ZPLD1: variants seen among roughly 807,000 people sequenced by gnomAD.
The protein encoded by ZPLD1 is zona pellucida-like domain-containing protein 1.
ZPLD1 carries 34 observed loss-of-function variants against 47.2 expected under a neutral mutation model. The ratio of observed to expected loss-of-function variants is 0.72; its 90% CI spans 0.55 to 0.96. ZPLD1 has a LOEUF of 0.96. Ranked by LOEUF, ZPLD1 falls within the 40% of genes least tolerant of loss-of-function variation. The pLI is 0.00. For missense variants in ZPLD1, 512 were observed against 505.8 expected, an observed-to-expected ratio of 1.01 and a Z score of -0.12; for synonymous variants, 176 against 186.2, an observed-to-expected ratio of 0.95 and a Z score of 0.45.
chr3:102,400,483 A>G (rs1706607509), intron 7 of ZPLD1, among the ~76,000 whole-genome samples: 1 of 151,982 alleles, frequency 6.6e-6, no homozygotes, highest in Admixed American at 6.6e-5. Context: ...TATGGGGATA[A>G]GCCGGGGGTC....
chr3:102,416,299 A>C (rs1195517135), intron 7 of ZPLD1, among the ~76,000 whole-genome samples: 2 of 151,862 alleles, frequency 1.3e-5, no homozygotes, highest in East Asian at 3.9e-4. Context: ...TAGCTAACCA[A>C]CTTGTAGGGT....
intron 7 of ZPLD1, among the ~76,000 whole-genome samples, chr3:102,412,327 T>C (rs1323945756): frequency 6.6e-6 from 1 of 151,728 alleles, no homozygotes; most frequent in East Asian, 1.9e-4. Context: ...AGGCATAGGA[T>C]CTGGAATACT....
rs147569136 is a variant in ZPLD1 at position 102,441,938 on chromosome 3, G to A, written c.106+3345G>A. On this transcript the variant is annotated intron_variant, in intron 3 of 11. Transcript: ENST00000466937. ...AGGTAATTTTGCAATTTGGAGCAAG[G>A]CTCACATCAAAATTAGGCTCCTACC... Among the ~76,000 whole-genome samples, 386 of 152,150 alleles carry A rather than the reference G, an allele frequency of 2.5e-3. 1 individual carries two copies. Among genetic ancestry groups the A allele is most frequent in the Non-Finnish European group, 4.7e-3 (318 of 67,986 alleles).
At chr3:102,426,887 A>G (rs774217382) in intron 8 of ZPLD1, among the ~76,000 whole-genome samples, 2 of 152,160 alleles carry the variant, frequency 1.3e-5, no homozygotes, top group Non-Finnish European at 2.9e-5. Flanking sequence ...ATTTCAGGAG[A>G]TGTTTTTAGT....
chr3:102,477,107 C>A, intron 11 of ZPLD1, 66 bp downstream of exon 11: 1 of 1,554,974 alleles, frequency 6.4e-7, no homozygotes, highest in Non-Finnish European at 8.9e-7. Flanking sequence ...AAGCTGTAAT[C>A]ATCTAAGTGT....
In ZPLD1 at chr3:102,477,954, A is replaced by G. The variant is rs1707783432; in HGVS notation, c.*336A>G. The G allele has an allele frequency of 5.8e-6, 1 of 172,364 alleles. No homozygotes were observed. Among genetic ancestry groups the G allele is most frequent in the Admixed American group, 6.3e-5 (1 of 15,850 alleles). 10.7% of individuals were successfully genotyped at this position (172,364 alleles called of 1,614,324 possible). Reference sequence around the variant, plus strand: ...GTTAAAAGATAAAAGGTGGGAGTAGACAAAAAATGAAATGTGTTGCATTTC... The same window carrying G: ...GTTAAAAGATAAAAGGTGGGAGTAGGCAAAAAATGAAATGTGTTGCATTTC... On this transcript the variant is annotated 3_prime_UTR_variant, in exon 12 of 12. Transcript: ENST00000466937.
At chr3:102,438,648 G>T in intron 3 of ZPLD1, 55 bp downstream of exon 3, 1 of 1,347,140 alleles carries the variant, frequency 7.4e-7, no homozygotes, top group Non-Finnish European at 1.1e-6. Context: ...GATTATATTT[G>T]AAGAGCAAGT....
At chr3:102,456,647 C>T (rs1182354490) in intron 5 of ZPLD1, among the ~76,000 whole-genome samples, 1 of 152,116 alleles carries the variant, frequency 6.6e-6, no homozygotes, top group East Asian at 1.9e-4. Flanking sequence ...CCAAATCAAG[C>T]TGACTCAAAC....
chr3:102,414,019 G>C (rs559235432), intron 7 of ZPLD1, among the ~76,000 whole-genome samples: 1 of 151,838 alleles, frequency 6.6e-6, no homozygotes, highest in East Asian at 1.9e-4. Context: ...GAGGAGAGGA[G>C]GCGAGCTGTG....
intron 1 of ZPLD1, among the ~76,000 whole-genome samples, chr3:102,435,588 AC>A (rs1707077413): frequency 6.6e-6 from 1 of 150,940 alleles, no homozygotes; most frequent in Admixed American, 6.6e-5. Flanking sequence ...TCCAAACTAT[AC>A]TATACTTTAT....
At chr3:102,434,782 G>C (rs1409568386), upstream of ZPLD1, among the ~76,000 whole-genome samples, 1 of 152,174 alleles carries the variant, frequency 6.6e-6, no homozygotes, top group African/African-American at 2.4e-5. Flanking sequence ...TGGTGGAGAA[G>C]GTGAAAAATG....
chr3:102,447,575 CATT>C (rs1707277511), intron 3 of ZPLD1, among the ~76,000 whole-genome samples: 1 of 152,082 alleles, frequency 6.6e-6, no homozygotes, highest in Non-Finnish European at 1.5e-5. Flanking sequence ...AATCTGTACT[CATT>C]ATTCTATAAA....
chr3:102,432,850 C>T (rs941004258), upstream of ZPLD1, among the ~76,000 whole-genome samples: 1 of 152,086 alleles, frequency 6.6e-6, no homozygotes, highest in African/African-American at 2.4e-5. Context: ...CTGGGTTGTT[C>T]ATAATCAATG....
intron 7 of ZPLD1, among the ~76,000 whole-genome samples, chr3:102,412,831 G>A (rs1706760858): frequency 2.0e-5 from 3 of 151,680 alleles, no homozygotes; most frequent in South Asian, 4.2e-4. Flanking sequence ...ACACATATGT[G>A]TATATATATG....
chr3:102,468,281 T>C (rs1265426262), intron 8 of ZPLD1, among the ~76,000 whole-genome samples: 1 of 152,196 alleles, frequency 6.6e-6, no homozygotes, highest in East Asian at 1.9e-4. Context: ...TAAATGATTA[T>C]ATGGATGTAT....
intron 8 of ZPLD1, among the ~76,000 whole-genome samples, chr3:102,424,273 A>C (rs986072775): frequency 1.2e-4 from 19 of 152,246 alleles, no homozygotes; most frequent in African/African-American, 3.6e-4. Flanking sequence ...TCTGCCATCA[A>C]GTTTTCCCTT....
intron 6 of ZPLD1, among the ~76,000 whole-genome samples, chr3:102,386,888 C>G (rs185374259): frequency 3.9e-5 from 6 of 152,238 alleles, no homozygotes; most frequent in African/African-American, 1.4e-4. Flanking sequence ...CCAGAAGTAT[C>G]CATTTTTAAT....
At chr3:102,458,863 G>A (rs1016376479) in intron 6 of ZPLD1, among the ~76,000 whole-genome samples, 1 of 152,088 alleles carries the variant, frequency 6.6e-6, no homozygotes, top group Non-Finnish European at 1.5e-5. Context: ...GCCGAGGCGG[G>A]TGGATCACGA....
At chr3:102,445,652 CACAGT>C (rs1409626136) in intron 3 of ZPLD1, among the ~76,000 whole-genome samples, 1 of 152,152 alleles carries the variant, frequency 6.6e-6, no homozygotes, top group Non-Finnish European at 1.5e-5. Flanking sequence ...GATTCATCTG[CACAGT>C]AAAGTATAAG....
Sources: allele counts gnomAD v4.1 joint callset (sites outside exome capture counted in the v4.1 genomes callset), GRCh38; gene constraint gnomAD v4.1.1; transcripts MANE v1.5; gene names NCBI Gene and HGNC (gene_info 2026-07-23, HGNC 2026-07-21).